Variants in FARS2 observed in about 807,000 individuals in gnomAD.
FARS2 encodes phenylalanyl-tRNA synthetase 2, mitochondrial.
A neutral mutation model predicts 46.4 loss-of-function variants in FARS2; 40 were observed. That is an observed-to-expected ratio of 0.86 (90% CI 0.67 to 1.12). The LOEUF is 1.12. Among genes scored for constraint, FARS2 ranks in the 50% most tolerant of loss-of-function variants. The pLI, the probability that FARS2 is intolerant of heterozygous loss-of-function variation, is 0.00. For synonymous variants in FARS2, 234 were observed against 214.9 expected, an observed-to-expected ratio of 1.09 and a Z score of -0.78; for missense variants, 513 against 567.9, an observed-to-expected ratio of 0.90 and a Z score of 0.98.
At chr6:5,412,550 G>A (rs1761994999) in intron 3 of FARS2, among the ~76,000 whole-genome samples, 2 of 152,182 alleles carry the variant, frequency 1.3e-5, no homozygotes, top group South Asian at 2.1e-4. Context: ...GTCCTGGTCA[G>A]GAGTGAAATC....
chr6:5,708,172 C>T (rs905190217), intron 6 of FARS2, among the ~76,000 whole-genome samples: 1 of 151,974 alleles, frequency 6.6e-6, no homozygotes, highest in African/African-American at 2.4e-5. Flanking sequence ...ACAACATTGC[C>T]CTGGAGGTAA....
chr6:5,654,347 A>T (rs1777508804), intron 6 of FARS2, among the ~76,000 whole-genome samples: 2 of 152,204 alleles, frequency 1.3e-5, no homozygotes, highest in African/African-American at 4.8e-5. Flanking sequence ...ATTCACTGAT[A>T]ACCATCTTAG....
chr6:5,589,643 T>C (rs1438741411), intron 5 of FARS2, among the ~76,000 whole-genome samples: 2 of 152,220 alleles, frequency 1.3e-5, no homozygotes, highest in Admixed American at 6.5e-5. Flanking sequence ...ACGAAGCACA[T>C]TGCAACCTGC....
At chr6:5,690,919 ACTTCT>A (rs1485282473) in intron 6 of FARS2, among the ~76,000 whole-genome samples, 4 of 151,766 alleles carry the variant, frequency 2.6e-5, no homozygotes, top group East Asian at 1.9e-4. Flanking sequence ...TTTTCTCTAA[ACTTCT>A]CTTCTCGCTT....
intron 4 of FARS2, among the ~76,000 whole-genome samples, chr6:5,458,689 A>G (rs2150293074): frequency 6.6e-6 from 1 of 152,280 alleles, no homozygotes; most frequent in South Asian, 2.1e-4. Flanking sequence ...CTTCTACCTC[A>G]TCAAAATGTC....
chr6:5,307,422 G>A (rs1381217973), intron 1 of FARS2, among the ~76,000 whole-genome samples: 1 of 152,094 alleles, frequency 6.6e-6, no homozygotes, highest in Non-Finnish European at 1.5e-5. Context: ...TTTTTTCAGA[G>A]TAGAATTGCT....
At chr6:5,517,121 G>C (rs1246986607) in intron 4 of FARS2, among the ~76,000 whole-genome samples, 1 of 152,078 alleles carries the variant, frequency 6.6e-6, no homozygotes, top group Non-Finnish European at 1.5e-5. Context: ...GGGAAGGGCT[G>C]TCTGAGCTGA....
chr6:5,687,012 A>C (rs915474003), intron 6 of FARS2, among the ~76,000 whole-genome samples: 1 of 152,224 alleles, frequency 6.6e-6, no homozygotes, highest in South Asian at 2.1e-4. Flanking sequence ...TTTGAGAAGT[A>C]TCTGTTCATA....
intron 1 of FARS2, among the ~76,000 whole-genome samples, chr6:5,300,794 C>G (rs1414232563): frequency 6.6e-6 from 1 of 152,072 alleles, no homozygotes; most frequent in Non-Finnish European, 1.5e-5. Context: ...CCTCAGCCTC[C>G]CAAGTTGCTG....
In FARS2 at chr6:5,399,107, C is replaced by T. The variant is rs925179724; in HGVS notation, c.613-5435C>T. Among the ~76,000 whole-genome samples the T allele has an allele frequency of 2.3e-4, 34 of 149,204 alleles. 1 individual carries two copies. The highest frequency in any genetic ancestry group is 8.3e-4 in the African/African-American group (34 of 40,886). On this transcript the variant is annotated intron_variant, in intron 2 of 6. Coordinates refer to ENST00000274680, the MANE Select transcript of FARS2 (RefSeq NM_006567.5). ...TATTCCATTTGTGTTCTTCCCACCT[C>T]TGGGTAGATTTTATATTATTTTATT...
At chr6:5,314,748 C>A (rs1769330548) in intron 1 of FARS2, among the ~76,000 whole-genome samples, 1 of 152,158 alleles carries the variant, frequency 6.6e-6, no homozygotes, top group Non-Finnish European at 1.5e-5. Flanking sequence ...ACCACTGGCT[C>A]AGTGGCCTCC....
intron 6 of FARS2, among the ~76,000 whole-genome samples, chr6:5,770,574 A>G (rs995112298): frequency 6.6e-6 from 1 of 152,186 alleles, no homozygotes; most frequent in Non-Finnish European, 1.5e-5. Flanking sequence ...CAGGCCTGCC[A>G]GTTCATGGCC....
At chr6:5,635,925 A>G (rs1054229997) in intron 6 of FARS2, among the ~76,000 whole-genome samples, 1 of 152,210 alleles carries the variant, frequency 6.6e-6, no homozygotes, top group Non-Finnish European at 1.5e-5. Flanking sequence ...TTTCTAGGAT[A>G]TGACACTTTT....
intron 3 of FARS2, among the ~76,000 whole-genome samples, chr6:5,424,507 A>C (rs937209059): frequency 3.3e-5 from 5 of 152,218 alleles, no homozygotes; most frequent in African/African-American, 1.2e-4. Flanking sequence ...CTCCAGACAC[A>C]TCATTCAGTG....
intron 4 of FARS2, among the ~76,000 whole-genome samples, chr6:5,444,785 C>A (rs191834): frequency 7.1e-5 from 2 of 28,356 alleles, no homozygotes; most frequent in African/African-American, 1.0e-4. Context: ...TAAAATGGGG[C>A]GGGGGGGAAC....
In FARS2 at chr6:5,719,397, A is replaced by AAAG. The variant is rs1759727288; in HGVS notation, c.1218-51892_1218-51891insGAA. ...GCAAGACCCTGTCTCAAAAAAAATT[A>AAAG]AAAAAAAAAAAAAAGGAAGAAGAAA... On this transcript the variant is annotated intron_variant, in intron 6 of 6. Transcript: ENST00000274680. 5.7e-3 allele frequency among the ~76,000 whole-genome samples: 3 copies of AAAG among 522 alleles called. No individual in the cohort carries two copies. The South Asian group carries it at 0.12, about 20-fold the overall frequency. 0.3% of individuals were successfully genotyped at this position (522 alleles called of 152,430 possible).
intron 6 of FARS2, among the ~76,000 whole-genome samples, chr6:5,732,561 A>G (rs1375366955): frequency 3.9e-5 from 6 of 152,226 alleles, no homozygotes; most frequent in African/African-American, 1.4e-4. Context: ...TGTTGGGCCC[A>G]TCAAGAGAGA....
chr6:5,681,957 G>A (rs1489276667), intron 6 of FARS2, among the ~76,000 whole-genome samples: 2 of 152,170 alleles, frequency 1.3e-5, no homozygotes, highest in African/African-American at 2.4e-5. Context: ...GTAAAGAGTC[G>A]GAATTCAGGC....
chr6:5,457,662 A>T (rs1433763481), intron 4 of FARS2, among the ~76,000 whole-genome samples: 2 of 152,184 alleles, frequency 1.3e-5, no homozygotes, highest in African/African-American at 4.8e-5. Context: ...ATGAATATTT[A>T]ATAGCCTGAA....
Sources: allele counts gnomAD v4.1 joint callset (sites outside exome capture counted in the v4.1 genomes callset), GRCh38; gene constraint gnomAD v4.1.1; transcripts MANE v1.5; gene names NCBI Gene and HGNC (gene_info 2026-07-23, HGNC 2026-07-21).